The following PHF3 variants were observed in gnomAD, a reference collection of about 807,000 sequenced individuals.
The protein encoded by PHF3 is PHD finger protein 3.
In PHF3, 41 loss-of-function variants were observed where a neutral mutation model predicts 178.4. The observed-to-expected ratio is 0.23, with a 90% CI of 0.18 to 0.30. The LOEUF (loss-of-function observed/expected upper bound fraction) is 0.30. Among genes scored for constraint, PHF3 ranks in the 10% least tolerant of loss-of-function variants. PHF3 has a pLI of 1.00. For missense variants in PHF3, 2,346 were observed against 2,398.1 expected, an observed-to-expected ratio of 0.98 and a Z score of 0.45; for synonymous variants, 842 against 800.5, an observed-to-expected ratio of 1.05 and a Z score of -0.88.
Position 63,685,264 on chromosome 6 carries a change from T to C in PHF3, c.1542T>C (p.Tyr514=). 6.2e-7 allele frequency: 1 copy of C among 1,613,974 alleles called. No individual in the cohort carries two copies. Among genetic ancestry groups the C allele is most frequent in the Middle Eastern group, 1.6e-4 (1 of 6,062 alleles). Residue 514 remains tyrosine (Y), a synonymous_variant, in exon 4 of 16, where the codon TAT becomes TAC. Coordinates refer to ENST00000262043, the MANE Select transcript of PHF3 (RefSeq NM_001370348.2). ...DAPKKIVAAK[Y]EVIHSKTKVN... ...CGAAGAAAATTGTTGCAGCAAAGTA[T>C]GAAGTAATACATAGCAAAACTAAAG...
At chr6:63,711,408 A>T in intron 15 of PHF3, 46 bp downstream of exon 15, 4 of 1,479,562 alleles carry the variant, frequency 2.7e-6, no homozygotes, top group Non-Finnish European at 3.7e-6. Flanking sequence ...ATAACATGGG[A>T]GGTGGGACCA....
chr6:63,678,230 AAG>A (rs1491028549), intron 2 of PHF3, among the ~76,000 whole-genome samples: 4 of 151,940 alleles, frequency 2.6e-5, no homozygotes, highest in African/African-American at 9.7e-5. Flanking sequence ...CAAAAAAAAA[AAG>A]AAAAAAAAAC....
At position 63,657,504 on chromosome 6, in the gene PHF3, C is replaced by G. The variant is rs6930550; in HGVS notation, c.244+10709C>G. On this transcript the variant is annotated intron_variant, in intron 2 of 15. Transcript: ENST00000262043. ...TACTGTATTCTTACAATAAAGTACA[C>G]TAGAGAAATGTCATGAAGAAAATCA... Among the ~76,000 whole-genome samples, 543 of 152,136 alleles carry G rather than the reference C, an allele frequency of 3.6e-3. 4 individuals carry two copies. The highest frequency in any genetic ancestry group is 0.012 in the African/African-American group (500 of 41,486).
In PHF3 at chr6:63,724,275, CTATCCCACCGTGCTTTATTA is replaced by C. The variant is rs1254205987; in HGVS notation, c.*10570_*10589del. Among the ~76,000 whole-genome samples the C allele has an allele frequency of 1.3e-5, 2 of 152,160 alleles. No individual in the cohort carries two copies. Among genetic ancestry groups the C allele is most frequent in the African/African-American group, 4.8e-5 (2 of 41,448 alleles). ...GCTATTGTTTCTACCTCATCATCTG[CTATCCCACCGTGCTTTATTA>C]TAGATAAGAGAAACCTTGTAGGACC... On this transcript the variant is annotated 3_prime_UTR_variant, in exon 16 of 16. Coordinates refer to ENST00000262043, the MANE Select transcript of PHF3 (RefSeq NM_001370348.2).
In PHF3 at chr6:63,691,995, C is replaced by A; in HGVS notation, c.2448C>A (p.Thr816=). 1 of 1,613,018 alleles carries A rather than the reference C, an allele frequency of 6.2e-7. No homozygotes were observed. The highest frequency in any genetic ancestry group is 1.1e-5 in the South Asian group (1 of 91,000). The change falls in exon 5 of 16, where the codon ACC becomes ACA. Residue 816 remains threonine, a synonymous_variant. Coordinates refer to ENST00000262043, the MANE Select transcript of PHF3 (RefSeq NM_001370348.2). ...CAAAACACACAACAAATGATAGAAC[C>A]AAATATATAGATGATACAGTGAAGC... is the stretch of plus-strand genomic sequence containing the variant. ...GLSKHTTNDR[T]KYIDDTVKHK...
chr6:63,662,288 C>T (rs1283598085), intron 2 of PHF3, among the ~76,000 whole-genome samples: 1 of 152,090 alleles, frequency 6.6e-6, no homozygotes, highest in Non-Finnish European at 1.5e-5. Context: ...TCTTTAATGC[C>T]TTAAATAGAC....
Position 63,698,563 on chromosome 6 carries a change from A to G in PHF3, c.2940A>G (p.Lys980=). 1 of 1,584,752 alleles carries G rather than the reference A, an allele frequency of 6.3e-7. No homozygotes were observed. Among genetic ancestry groups the G allele is most frequent in the Non-Finnish European group, 8.5e-7 (1 of 1,169,628 alleles). The change falls in exon 8 of 16, where the codon AAA becomes AAG. Residue 980 remains lysine (K), a synonymous_variant. Coordinates refer to ENST00000262043, the MANE Select transcript of PHF3 (RefSeq NM_001370348.2). ...ACACAGATGCTAAATATAAGAACAAATATAGAAGTTTGATGTTTAATTTGA... is the reference window on the plus strand; with the variant it reads ...ACACAGATGCTAAATATAAGAACAAGTATAGAAGTTTGATGTTTAATTTGA... ...FRDTDAKYKN[K]YRSLMFNLKD...
Position 63,721,869 on chromosome 6 carries a change from G to T in PHF3, c.*8161G>T, listed in dbSNP as rs986006537. On this transcript the variant is annotated 3_prime_UTR_variant, in exon 16 of 16. Coordinates refer to ENST00000262043, the MANE Select transcript of PHF3 (RefSeq NM_001370348.2). ...CCATTGAAAACTTTTGCTGTTTCTG[G>T]CCAAGTTGGATAAGTTTTAGTTATG... is the stretch of plus-strand genomic sequence containing the variant. 40 of 1,392,846 alleles carry T rather than the reference G, an allele frequency of 2.9e-5. No homozygotes were observed. Among genetic ancestry groups the T allele is most frequent in the Non-Finnish European group, 3.6e-5 (38 of 1,042,696 alleles). 86.3% of individuals were successfully genotyped at this position (1,392,846 alleles called of 1,614,324 possible).
intron 2 of PHF3, among the ~76,000 whole-genome samples, chr6:63,677,014 A>G (rs1338955268): frequency 1.3e-5 from 2 of 152,212 alleles, no homozygotes; most frequent in Admixed American, 6.5e-5. Flanking sequence ...GAATTGAACT[A>G]GGTGATTTGG....
rs1020084388 is a variant in PHF3 at position 63,659,975 on chromosome 6, C to T, written c.244+13180C>T. 1.3e-4 allele frequency among the ~76,000 whole-genome samples: 20 copies of T among 152,248 alleles called. 1 individual carries two copies. Among genetic ancestry groups the T allele is most frequent in the Non-Finnish European group, 2.5e-4 (17 of 68,008 alleles). On this transcript the variant is annotated intron_variant, in intron 2 of 15. Coordinates refer to ENST00000262043, the MANE Select transcript of PHF3 (RefSeq NM_001370348.2). ...CATAAGTTCTGTTAAGATCAGTGCT[C>T]TAAATCGGTTCTCAGATTTCATTTA...
At chr6:63,691,444 G>C (rs1454822185) in intron 4 of PHF3, among the ~76,000 whole-genome samples, 1 of 152,050 alleles carries the variant, frequency 6.6e-6, no homozygotes, top group Non-Finnish European at 1.5e-5. Context: ...TAGTATTCAA[G>C]ACTGACAAAG....
chr6:63,696,160 A>C (rs1247573354), intron 6 of PHF3, among the ~76,000 whole-genome samples: 1 of 152,216 alleles, frequency 6.6e-6, no homozygotes, highest in Admixed American at 6.5e-5. Flanking sequence ...AAATATTCCA[A>C]GATTTGAAAA....
chr6:63,670,865 T>C (rs373338236), intron 2 of PHF3, among the ~76,000 whole-genome samples: 1 of 152,312 alleles, frequency 6.6e-6, no homozygotes, highest in Non-Finnish European at 1.5e-5. Context: ...AGTCTTTTCC[T>C]GGGCTACTAC....
intron 2 of PHF3, among the ~76,000 whole-genome samples, chr6:63,648,114 AC>A (rs1190787294): frequency 6.6e-6 from 1 of 152,076 alleles, no homozygotes; most frequent in Non-Finnish European, 1.5e-5. Context: ...ACAACTTAAA[AC>A]TGAGGTCTTT....
chr6:63,639,671 T>C (rs982192411), intron 1 of PHF3, among the ~76,000 whole-genome samples: 5 of 152,202 alleles, frequency 3.3e-5, no homozygotes, highest in Non-Finnish European at 4.4e-5. Flanking sequence ...ATTATGTAAT[T>C]ATCTAGGTCT....
At chr6:63,675,796 AT>A (rs1013729588) in intron 2 of PHF3, among the ~76,000 whole-genome samples, 1 of 152,078 alleles carries the variant, frequency 6.6e-6, no homozygotes, top group Non-Finnish European at 1.5e-5. Context: ...ATCTCTGTTG[AT>A]TTTTCCCTCT....
rs1248074448 is a variant in PHF3, at chr6:63,713,098, C to G, written c.5510C>G (p.Pro1837Arg). The change falls in exon 16 of 16, where the codon CCT becomes CGT. Residue 1837 changes from proline (P) to arginine (R), a missense_variant. Pro to Arg is a moderately radical substitution (Grantham distance 103). Coordinates refer to ENST00000262043, the MANE Select transcript of PHF3 (RefSeq NM_001370348.2). ...SMFGFPPHLPPPLLPPPGFGF... is the reference protein window; with the variant it reads ...SMFGFPPHLPRPLLPPPGFGF... ...TTTGGATTTCCACCACATTTGCCAC[C>G]TCCATTACTTCCCCCTCCAGGCTTT... 1.2e-6 allele frequency: 2 copies of G among 1,613,914 alleles called. No homozygotes were observed. Among genetic ancestry groups the G allele is most frequent in the African/African-American group, 2.7e-5 (2 of 74,898 alleles).
intron 10 of PHF3, 101 bp from the exon 11 acceptor site, chr6:63,703,435 A>T: frequency 1.6e-6 from 2 of 1,227,792 alleles, no homozygotes; most frequent in Non-Finnish European, 2.3e-6. Flanking sequence ...CTATGGAACA[A>T]CTGCATTTTA....
chr6:63,692,712 T>C (rs1448133360), intron 5 of PHF3, among the ~76,000 whole-genome samples: 2 of 152,186 alleles, frequency 1.3e-5, no homozygotes, highest in Non-Finnish European at 2.9e-5. Flanking sequence ...TTTGGTCCAA[T>C]CATTTTGATT....
Sources: gnomAD v4.1 joint callset for allele counts (sites outside exome capture counted in the v4.1 genomes callset) on GRCh38, gnomAD v4.1.1 for gene constraint, MANE v1.5 for transcripts, NCBI Gene and HGNC (gene_info 2026-07-23, HGNC 2026-07-21) for gene names.